Variants in CPSF4L observed in about 807,000 individuals in gnomAD.
CPSF4L encodes putative cleavage and polyadenylation specificity factor subunit 4-like protein.
Under a neutral mutation model 24.0 loss-of-function variants are expected in CPSF4L, and 18 were observed. The observed-to-expected ratio is 0.75, with a 90% CI of 0.52 to 1.11. The LOEUF (loss-of-function observed/expected upper bound fraction) is 1.11. Among genes scored for constraint, CPSF4L ranks in the 50% least tolerant of loss-of-function variants. The pLI is 0.00. For synonymous variants in CPSF4L, 72 were observed against 77.2 expected (o/e 0.93, Z 0.35); for missense variants, 211 against 221.8 (o/e 0.95, Z 0.31).
chr17:73,242,955 T>C, the CPSF4L span: 1 of 1,614,116 alleles, frequency 6.2e-7, no homozygotes. Context: ...CACGATGCTC[T>C]TCACAGGATA....
intron 5 of CPSF4L, 33 bp from the exon 6 acceptor site, chr17:73,248,569 C>G (rs1568329689): frequency 2.6e-6 from 4 of 1,549,824 alleles, no homozygotes; most frequent in Non-Finnish European, 3.5e-6. Flanking sequence ...GCGTGAGAAT[C>G]CATACACGTA....
downstream of CPSF4L, chr17:73,248,412 T>C (rs1018159596): frequency 1.2e-5 from 15 of 1,249,132 alleles, no homozygotes; most frequent in African/African-American, 2.1e-4. Context: ...TCTCTTAAAA[T>C]CATGCTGCAG....
intron 3 of CPSF4L, among the ~76,000 whole-genome samples, chr17:73,254,372 A>G (rs1379909969): frequency 6.6e-6 from 1 of 152,356 alleles, no homozygotes; most frequent in East Asian, 1.9e-4. Context: ...AGATATTTCC[A>G]TGTCGCTGTA....
In CPSF4L at chr17:73,259,590, A is replaced by T. The variant is rs1052582811; in HGVS notation, c.154+1343T>A. ...TCTTTGCAGAAGGGTGTTGCTAGGAACCACTGCTCTAGGGACTGGTTGGGC... is the reference window on the plus strand; with the variant it reads ...TCTTTGCAGAAGGGTGTTGCTAGGATCCACTGCTCTAGGGACTGGTTGGGC... On this transcript the variant is annotated intron_variant, in intron 2 of 5. Coordinates refer to ENST00000344935, the MANE Select transcript of CPSF4L (RefSeq NM_001129885.1). Among the ~76,000 whole-genome samples the T allele has an allele frequency of 6.2e-5, 9 of 145,640 alleles. No homozygotes were observed. In the Admixed American group the frequency reaches 6.4e-4, roughly 10 times the overall value.
intron 4 of CPSF4L, among the ~76,000 whole-genome samples, chr17:73,252,950 C>T (rs2062011309): frequency 6.6e-6 from 1 of 152,154 alleles, no homozygotes; most frequent in African/African-American, 2.4e-5. Context: ...TGTCAGCTGG[C>T]AAGTTCTGAA....
chr17:73,251,068 T>C (rs752232937), intron 5 of CPSF4L: 2 of 1,549,338 alleles, frequency 1.3e-6, no homozygotes, highest in South Asian at 2.4e-5. Context: ...ACAGCAGAAA[T>C]AGGAGGTGCT....
At chr17:73,254,142 G>C (rs2062015628) in intron 3 of CPSF4L, 116 bp from the exon 4 acceptor site, 1 of 735,934 alleles carries the variant, frequency 1.4e-6, no homozygotes, top group Non-Finnish European at 2.3e-6. Context: ...TTTATTCTGG[G>C]AGTCACCAGC....
upstream of CPSF4L, among the ~76,000 whole-genome samples, chr17:73,263,574 G>A (rs2062054705): frequency 6.6e-6 from 1 of 152,010 alleles, no homozygotes; most frequent in Non-Finnish European, 1.5e-5. Context: ...AGGCGCTCAA[G>A]GGTTTGGTTT....
intron 3 of CPSF4L, among the ~76,000 whole-genome samples, chr17:73,257,012 G>C (rs2062026849): frequency 6.6e-6 from 1 of 152,146 alleles, no homozygotes; most frequent in African/African-American, 2.4e-5. Context: ...GGGGGACAGA[G>C]CAAGACGCTG....
At chr17:73,247,553 G>A, downstream of CPSF4L, 1 of 506,664 alleles carries the variant, frequency 2.0e-6, no homozygotes, top group Non-Finnish European at 3.5e-6. Context: ...ATAATGAAAA[G>A]GTTTAACTTA....
chr17:73,258,853 T>G (rs1267394081), intron 2 of CPSF4L, among the ~76,000 whole-genome samples: 1 of 152,222 alleles, frequency 6.6e-6, no homozygotes, highest in Non-Finnish European at 1.5e-5. Context: ...GTGTGTTGAA[T>G]TCCCATCTTT....
chr17:73,248,735 CTGTG>C, intron 5 of CPSF4L, 199 bp from the exon 6 acceptor site: 3 of 614,830 alleles, frequency 4.9e-6, no homozygotes, highest in South Asian at 1.9e-5. Flanking sequence ...CACACGTGGT[CTGTG>C]TAAGTGGATT....
At position 73,257,753 on chromosome 17, in the gene CPSF4L, C is replaced by T; in HGVS notation, c.235G>A (p.Gly79Ser). 1 of 1,551,660 alleles carries T rather than the reference C, an allele frequency of 6.4e-7. No individual in the cohort carries two copies. The change falls in exon 3 of 6, where the codon GGT (glycine) becomes AGT (serine). Residue 79 changes from glycine to serine, a missense_variant. Gly to Ser is a moderately conservative substitution (Grantham distance 56). Transcript: ENST00000344935. ...KHWLRGLCKK[G>S]DHCKFLHQYD... is the part of the protein sequence containing the mutation. ...TGGTGCAGGAACTTGCAGTGATCACCCTTCTTGCAGAGCCCCCGGAGCCAG... is the reference window on the plus strand; with the variant it reads ...TGGTGCAGGAACTTGCAGTGATCACTCTTCTTGCAGAGCCCCCGGAGCCAG...
the CPSF4L span, chr17:73,243,093 T>TTTTGTTTTTTTTTTTG: frequency 4.8e-4 from 479 of 991,230 alleles, 4 homozygotes; most frequent in African/African-American, 7.0e-3. Context: ...TTTTTTTTTT[T>TTTTGTTTTTTTTTTTG]TTTTTTTTAC....
chr17:73,247,611 A>C (rs2061970019), downstream of CPSF4L: 1 of 363,008 alleles, frequency 2.8e-6, no homozygotes, highest in Non-Finnish European at 5.1e-6. Flanking sequence ...TTTAATGAGA[A>C]TAGAACTATT....
At chr17:73,256,957 G>T (rs1384232750) in intron 3 of CPSF4L, among the ~76,000 whole-genome samples, 1 of 152,164 alleles carries the variant, frequency 6.6e-6, no homozygotes, top group African/African-American at 2.4e-5. Context: ...AACCCGGGAG[G>T]TGGAGATTGC....
At chr17:73,261,638 G>A in intron 1 of CPSF4L, 78 bp downstream of exon 1, 1 of 997,606 alleles carries the variant, frequency 1.0e-6, no homozygotes, top group East Asian at 2.6e-5. Flanking sequence ...TCCAGCCTGG[G>A]CTACAGAGCG....
chr17:73,249,243 C>A (rs1038095645), intron 5 of CPSF4L, among the ~76,000 whole-genome samples: 1 of 152,184 alleles, frequency 6.6e-6, no homozygotes, highest in Non-Finnish European at 1.5e-5. Flanking sequence ...GGAAGAGAGG[C>A]CCTACTGCAA....
At chr17:73,260,233 G>A (rs1568333018) in intron 2 of CPSF4L, among the ~76,000 whole-genome samples, 1 of 152,172 alleles carries the variant, frequency 6.6e-6, no homozygotes, top group African/African-American at 2.4e-5. Context: ...CTTCTAGCTG[G>A]GAGGAAATCA....
Sources: allele counts gnomAD v4.1 joint callset (sites outside exome capture counted in the v4.1 genomes callset), GRCh38; gene constraint gnomAD v4.1.1; transcripts MANE v1.5; gene names NCBI Gene and HGNC (gene_info 2026-07-23, HGNC 2026-07-21).